Variants in ABL2 observed in about 807,000 individuals in gnomAD.
ABL2 encodes ABL proto-oncogene 2, non-receptor tyrosine kinase.
A neutral mutation model predicts 107.7 loss-of-function variants in ABL2; 49 were observed. The observed-to-expected ratio is 0.45, with a 90% CI of 0.36 to 0.58. The LOEUF (loss-of-function observed/expected upper bound fraction) is 0.58. ABL2 is among the 20% of genes least tolerant of loss of function. ABL2 has a pLI of 0.00. For missense variants in ABL2, 1,245 were observed against 1,457.0 expected (o/e 0.85, Z 2.37); for synonymous variants, 549 against 548.6 (o/e 1.00, Z -0.01).
chr1:179,130,859 G>C (rs552144366), intron 3 of ABL2, among the ~76,000 whole-genome samples: 4 of 151,856 alleles, frequency 2.6e-5, no homozygotes, highest in Admixed American at 2.6e-4. Flanking sequence ...GAACTGGATT[G>C]CTAGTCTGCC....
In ABL2 at chr1:179,136,916, C is replaced by CAAAA. The variant is rs33980980; in HGVS notation, c.158-3546_158-3543dup. Among the ~76,000 whole-genome samples the CAAAA allele has an allele frequency of 9.1e-5, 10 of 110,086 alleles. No homozygotes were observed. In the East Asian group the frequency reaches 1.0e-3, roughly 12 times the overall value. The allele number at this position is 110,086 out of a possible 152,430, so 72.2% of individuals were successfully genotyped here. A position where few individuals can be genotyped will look rare whatever the true frequency, so the allele number is the denominator to read the frequency against. ...GTGACAACAGAGTGAGACCCTGTCT[C>CAAAA]AAAAAAAAAAAAAAAAGGCTTCATA... On this transcript the variant is annotated intron_variant, in intron 1 of 11. Coordinates refer to ENST00000502732, the MANE Select transcript of ABL2 (RefSeq NM_007314.4).
chr1:179,107,754 T>A lies in ABL2; in HGVS notation c.3513A>T (p.Ser1171=). 1 of 1,613,890 alleles carries A rather than the reference T, an allele frequency of 6.2e-7. No individual in the cohort carries two copies. The highest frequency in any genetic ancestry group is 8.5e-7 in the Non-Finnish European group (1 of 1,179,838). The part of the protein sequence containing the change: ...GTNPVLNNLL[S]CVQEISDVVQ... The stretch of plus-strand genomic sequence containing the variant: ...CCACATCACTGATTTCCTGTACACA[T>A]GACAATAAGTTATTAAGGACAGGGT... Residue 1171 remains serine, a synonymous_variant, in exon 12 of 12, where the codon TCA becomes TCT. Coordinates refer to ENST00000502732, the MANE Select transcript of ABL2 (RefSeq NM_007314.4).
chr1:179,208,496 G>A (rs1049157790), intron 1 of ABL2, among the ~76,000 whole-genome samples: 1 of 152,108 alleles, frequency 6.6e-6, no homozygotes, highest in African/African-American at 2.4e-5. Flanking sequence ...TCTTTTTTAT[G>A]GCTGCATGTA....
intron 6 of ABL2, 104 bp downstream of exon 6, chr1:179,120,086 T>A: frequency 3.0e-6 from 2 of 670,178 alleles, no homozygotes; most frequent in Admixed American, 5.5e-5. Flanking sequence ...AGCGAGACCC[T>A]GTCTCTATAT....
intron 2 of ABL2, among the ~76,000 whole-genome samples, chr1:179,132,064 T>C (rs530068901): frequency 6.6e-6 from 1 of 152,358 alleles, no homozygotes; most frequent in East Asian, 1.9e-4. Context: ...ATATCTTTTT[T>C]TGGCCAACAT....
At chr1:179,210,520 A>AAAAAAAAAAG (rs1662212945) in intron 1 of ABL2, among the ~76,000 whole-genome samples, 2 of 146,462 alleles carry the variant, frequency 1.4e-5, no homozygotes, top group African/African-American at 5.1e-5. Context: ...AAAAAAAAAG[A>AAAAAAAAAAG]AAAAAAAAAG....
intron 7 of ABL2, among the ~76,000 whole-genome samples, chr1:179,117,796 A>G (rs1290569988): frequency 1.3e-5 from 2 of 152,084 alleles, no homozygotes; most frequent in African/African-American, 4.8e-5. Context: ...AGACTAAGTT[A>G]TTTACTAATG....
chr1:179,169,189 C>CA (rs1190217478), intron 1 of ABL2, among the ~76,000 whole-genome samples: 1 of 151,878 alleles, frequency 6.6e-6, no homozygotes, highest in Non-Finnish European at 1.5e-5. Flanking sequence ...CCCTTTTGCC[C>CA]AAAAATGGGG....
intron 4 of ABL2, among the ~76,000 whole-genome samples, chr1:179,125,782 T>C (rs1450722612): frequency 2.6e-5 from 4 of 152,194 alleles, no homozygotes; most frequent in Non-Finnish European, 4.4e-5. Flanking sequence ...TAGAGGAGAA[T>C]AGAAGAAATA....
At chr1:179,192,888 T>C (rs1257280514) in intron 1 of ABL2, among the ~76,000 whole-genome samples, 1 of 152,216 alleles carries the variant, frequency 6.6e-6, no homozygotes, top group Non-Finnish European at 1.5e-5. Context: ...TTTAAAGCAT[T>C]AAGTCACACT....
rs879648642 is a variant in ABL2 at position 179,188,387 on chromosome 1, C to CA, written c.157+40853dup. ...CGAAACCCTATCTCTACTAACAATA[C>CA]AAAAAAAAAAATAGCGGGACGTGGT... is the stretch of plus-strand genomic sequence containing the variant. On this transcript the variant is annotated intron_variant, in intron 1 of 11. Transcript: ENST00000502732. Among the ~76,000 whole-genome samples the CA allele has an allele frequency of 3.4e-3, 487 of 144,712 alleles. 2 individuals are homozygous for CA. The highest frequency in any genetic ancestry group is 0.01 in the Middle Eastern group (3 of 286). The allele number at this position is 144,712 out of a possible 152,430, so 94.9% of individuals were successfully genotyped here.
chr1:179,110,838 TAGG>T (rs1653987914), intron 10 of ABL2: 1 of 1,614,054 alleles, frequency 6.2e-7, no homozygotes, highest in South Asian at 1.1e-5. Flanking sequence ...TGGCACAATG[TAGG>T]AGAACTGGTG....
chr1:179,163,568 G>A (rs1205114404), intron 1 of ABL2, among the ~76,000 whole-genome samples: 2 of 152,074 alleles, frequency 1.3e-5, no homozygotes, highest in Admixed American at 1.3e-4. Context: ...CTAACATGGT[G>A]AAACCCTGTC....
chr1:179,119,224 G>A (rs1442427019), intron 6 of ABL2, among the ~76,000 whole-genome samples: 4 of 152,126 alleles, frequency 2.6e-5, no homozygotes, highest in Admixed American at 6.6e-5. Context: ...GGATTTCACT[G>A]ATATATGGCA....
intron 1 of ABL2, among the ~76,000 whole-genome samples, chr1:179,187,714 G>GTTTT (rs899341443): frequency 6.6e-6 from 1 of 151,918 alleles, no homozygotes; most frequent in African/African-American, 2.4e-5. Context: ...TTCCTCAAGG[G>GTTTT]GTAAAAGTCA....
intron 9 of ABL2, 53 bp from the exon 10 acceptor site, chr1:179,112,451 A>G: frequency 7.0e-7 from 1 of 1,419,694 alleles, no homozygotes; most frequent in Non-Finnish European, 9.9e-7. Context: ...TTCAATATCC[A>G]GTGGTGTATC....
Position 179,110,770 on chromosome 1 carries a change from C to A in ABL2, c.1652-315G>T, listed in dbSNP as rs780405853. 3.7e-6 allele frequency: 6 copies of A among 1,613,800 alleles called. No individual in the cohort carries two copies. In the African/African-American group the frequency reaches 8.0e-5, roughly 22 times the overall value. Reference sequence around the variant, plus strand: ...TTCCAGTTTGGAGTTACTATGAATACGTTGCTAGCATCATCCTGCTCTGTG... The same window carrying A: ...TTCCAGTTTGGAGTTACTATGAATAAGTTGCTAGCATCATCCTGCTCTGTG... On this transcript the variant is annotated intron_variant, in intron 10 of 11. Coordinates refer to ENST00000502732, the MANE Select transcript of ABL2 (RefSeq NM_007314.4).
At chr1:179,160,250 A>T (rs1658980006) in intron 1 of ABL2, among the ~76,000 whole-genome samples, 1 of 152,068 alleles carries the variant, frequency 6.6e-6, no homozygotes. Flanking sequence ...GTGGTGGCTT[A>T]CATCTGCAAT....
intron 8 of ABL2, 157 bp downstream of exon 8, chr1:179,117,174 CA>C (rs1383520125): frequency 3.0e-5 from 23 of 755,444 alleles, no homozygotes; most frequent in Non-Finnish European, 4.7e-5. Flanking sequence ...ACAGTCCTGG[CA>C]GATAGGAGGT....
Sources: allele counts gnomAD v4.1 joint callset (sites outside exome capture counted in the v4.1 genomes callset), GRCh38; gene constraint gnomAD v4.1.1; transcripts MANE v1.5; gene names NCBI Gene and HGNC (gene_info 2026-07-23, HGNC 2026-07-21).